CILK1: variants seen among roughly 807,000 people sequenced by gnomAD.
The protein encoded by CILK1 is ciliogenesis associated kinase 1, also known as serine/threonine-protein kinase ICK.
In CILK1, 47 loss-of-function variants were observed where a neutral mutation model predicts 79.2. That is an observed-to-expected ratio of 0.59 (90% CI 0.47 to 0.76). CILK1 has a LOEUF of 0.76. Among genes scored for constraint, CILK1 ranks in the 30% least tolerant of loss-of-function variants. The pLI is 0.00. For missense variants in CILK1, 660 were observed against 769.5 expected, an observed-to-expected ratio of 0.86 and a Z score of 1.68; for synonymous variants, 266 against 275.9, an observed-to-expected ratio of 0.96 and a Z score of 0.36.
At position 53,028,975 on chromosome 6, in the gene CILK1, G is replaced by A. The variant is rs190826094; in HGVS notation, c.358+2090C>T. On this transcript the variant is annotated intron_variant, in intron 5 of 13. Coordinates refer to ENST00000676107, the MANE Select transcript of CILK1 (RefSeq NM_014920.5). ...TGTGTGTGTGTGTATATATATATAT[G>A]CATACATTTGATTAGGTAGAGGCCT... is the stretch of plus-strand genomic sequence containing the variant. 3.0e-4 allele frequency among the ~76,000 whole-genome samples: 45 copies of A among 152,066 alleles called. No individual in the cohort carries two copies. In the East Asian group the frequency reaches 8.3e-3, roughly 28 times the overall value.
intron 3 of CILK1, 25 bp from the exon 4 acceptor site, chr6:53,032,679 A>AC: frequency 6.4e-7 from 1 of 1,569,980 alleles, no homozygotes; most frequent in Non-Finnish European, 8.7e-7. Context: ...ATAAACACAA[A>AC]ACAAAACAAA....
chr6:53,012,151 C>G lies in CILK1; in HGVS notation c.1229G>C (p.Arg410Thr), dbSNP rs1764611084. Residue 410 changes from arginine to threonine, a missense_variant, in exon 10 of 14, where the codon AGG (arginine) becomes ACG (threonine). Arg to Thr is a moderately conservative substitution (Grantham distance 71). Coordinates refer to ENST00000676107, the MANE Select transcript of CILK1 (RefSeq NM_014920.5). ...CCAATCATCTGAATCCTTTGTTGAC[C>G]TGGAAATAAGACCCCACCTTCTCCT... ...KSRRRWGLIS[R>T]STKDSDDWAD... 1 of 1,614,002 alleles carries G rather than the reference C, an allele frequency of 6.2e-7. No individual in the cohort carries two copies. Among genetic ancestry groups the G allele is most frequent in the African/African-American group, 1.3e-5 (1 of 74,902 alleles).
In CILK1 at chr6:53,016,159, T is replaced by C. The variant is rs140607719; in HGVS notation, c.755A>G (p.Asn252Ser). The change falls in exon 8 of 14, where the codon AAT becomes AGT. Residue 252 changes from asparagine (N) to serine (S), a missense_variant. Transcript: ENST00000676107. Reference sequence around the variant, plus strand: ...GAGCTGGACTGCTTCACTGCTAGCATTGGGAATCAAGGTCTTTAAGTTATT... The same window carrying C: ...GAGCTGGACTGCTTCACTGCTAGCACTGGGAATCAAGGTCTTTAAGTTATT... ...VPNNLKTLIP[N>S]ASSEAVQLLR... 54 of 1,613,978 alleles carry C rather than the reference T, an allele frequency of 3.3e-5. No homozygotes were observed. Among genetic ancestry groups the C allele is most frequent in the African/African-American group, 1.9e-4 (14 of 74,918 alleles).
intron 1 of CILK1, among the ~76,000 whole-genome samples, chr6:53,045,561 G>A (rs867155924): frequency 6.6e-6 from 1 of 152,020 alleles, no homozygotes; most frequent in Non-Finnish European, 1.5e-5. Context: ...CCAACTATAG[G>A]CCAATGTAAG....
chr6:53,013,681 T>C lies in CILK1; in HGVS notation c.1133A>G (p.His378Arg), dbSNP rs1764719673. Residue 378 changes from histidine to arginine, a missense_variant, in exon 9 of 14, where the codon CAC becomes CGC. Coordinates refer to ENST00000676107, the MANE Select transcript of CILK1 (RefSeq NM_014920.5). Reference protein sequence around the residue: ...KPSPLLFPSLHNKHPQSKITA... With the variant: ...KPSPLLFPSLRNKHPQSKITA... ...GCTCACCGACTGTGGATGCTTGTTG[T>C]GGAGGGATGGGAAAAGCAACGGGCT... 6.2e-7 allele frequency: 1 copy of C among 1,614,094 alleles called. No homozygotes were observed. The highest frequency in any genetic ancestry group is 2.2e-5 in the East Asian group (1 of 44,892).
At chr6:53,005,889 C>T (rs1372388889) in intron 13 of CILK1, among the ~76,000 whole-genome samples, 1 of 152,168 alleles carries the variant, frequency 6.6e-6, no homozygotes, top group African/African-American at 2.4e-5. Flanking sequence ...ACACTCTGGC[C>T]TCCTTGCTGC....
In CILK1 at chr6:53,041,282, T is replaced by C; in HGVS notation, c.-46A>G. 1 of 1,394,032 alleles carries C rather than the reference T, an allele frequency of 7.2e-7. No individual in the cohort carries two copies. The highest frequency in any genetic ancestry group is 1.0e-6 in the Non-Finnish European group (1 of 983,896). 86.4% of individuals were successfully genotyped at this position (1,394,032 alleles called of 1,614,324 possible). A position where few individuals can be genotyped will look rare whatever the true frequency, so the allele number is the denominator to read the frequency against. ...ACACTCATCTCACGGCCGAAGTGGTTCAGTTCTGCAGTGGTAGCAGTCCTC... is the reference window on the plus strand; with the variant it reads ...ACACTCATCTCACGGCCGAAGTGGTCCAGTTCTGCAGTGGTAGCAGTCCTC... On this transcript the variant is annotated 5_prime_UTR_variant, in exon 2 of 14. Transcript: ENST00000676107.
chr6:53,040,794 C>T (rs10456665), intron 2 of CILK1, among the ~76,000 whole-genome samples: 18,917 of 152,210 alleles, frequency 0.12, 1,686 homozygotes, highest in Admixed American at 0.28. Flanking sequence ...GACCACCATA[C>T]GCATGTAGAT....
At chr6:53,010,472 C>T (rs1408461999) in intron 11 of CILK1, among the ~76,000 whole-genome samples, 2 of 152,232 alleles carry the variant, frequency 1.3e-5, no homozygotes, top group African/African-American at 4.8e-5. Context: ...ATCACTCCTT[C>T]AGTTAAAACC....
chr6:53,011,582 G>C (rs1014133774), intron 11 of CILK1, among the ~76,000 whole-genome samples, 187 bp downstream of exon 11: 2 of 152,158 alleles, frequency 1.3e-5, no homozygotes, highest in African/African-American at 4.8e-5. Context: ...CTGGGTGGCA[G>C]AGAGAGACTC....
chr6:53,007,596 A>G (rs1764302354), intron 12 of CILK1, among the ~76,000 whole-genome samples: 1 of 152,136 alleles, frequency 6.6e-6, no homozygotes, highest in Non-Finnish European at 1.5e-5. Context: ...TAGTTTGGCA[A>G]TATCTGTGAA....
At chr6:53,006,585 C>A in intron 12 of CILK1, 148 bp from the exon 13 acceptor site, 1 of 884,122 alleles carries the variant, frequency 1.1e-6, no homozygotes, top group Non-Finnish European at 1.8e-6. Flanking sequence ...AGTTCAGAGC[C>A]AAGCATCCCA....
intron 5 of CILK1, among the ~76,000 whole-genome samples, chr6:53,021,452 C>A (rs1765238844): frequency 6.6e-6 from 1 of 152,164 alleles, no homozygotes; most frequent in African/African-American, 2.4e-5. Flanking sequence ...ATAATCCTGA[C>A]CACTTAAACA....
At chr6:53,006,663 T>C (rs574440920) in intron 12 of CILK1, among the ~76,000 whole-genome samples, 4 of 152,260 alleles carry the variant, frequency 2.6e-5, no homozygotes, top group South Asian at 2.1e-4. Context: ...GGCAACCAAA[T>C]AGAGGGTGGG....
At chr6:53,008,517 C>G (rs1030738582) in intron 12 of CILK1, among the ~76,000 whole-genome samples, 1 of 152,010 alleles carries the variant, frequency 6.6e-6, no homozygotes, top group South Asian at 2.1e-4. Context: ...CCTCCGCCTC[C>G]CAGGTTCAAG....
intron 5 of CILK1, among the ~76,000 whole-genome samples, chr6:53,021,514 C>T (rs1765242737): frequency 6.6e-6 from 1 of 152,128 alleles, no homozygotes; most frequent in Non-Finnish European, 1.5e-5. Context: ...ATCCATGACT[C>T]CTTTTTATAT....
At chr6:53,050,557 C>T (rs1461515088) in intron 1 of CILK1, among the ~76,000 whole-genome samples, 1 of 151,774 alleles carries the variant, frequency 6.6e-6, no homozygotes, top group African/African-American at 2.4e-5. Flanking sequence ...TGGGCGTGGT[C>T]GCTCACACCT....
Position 53,003,092 on chromosome 6 carries a change from G to A in CILK1, c.*2057C>T, listed in dbSNP as rs779579665. ...CACATGTTCTGATGCTTTAGATAAC[G>A]AGTTGAGAATATAATACAGAAATGA... On this transcript the variant is annotated 3_prime_UTR_variant, in exon 14 of 14. Transcript: ENST00000676107. 3 of 152,606 alleles carry A rather than the reference G, an allele frequency of 2.0e-5. No individual in the cohort carries two copies. The highest frequency in any genetic ancestry group is 6.5e-5 in the Admixed American group (1 of 15,272). 9.5% of individuals were successfully genotyped at this position (152,606 alleles called of 1,614,324 possible).
chr6:53,010,849 G>A (rs1201515121), intron 11 of CILK1, among the ~76,000 whole-genome samples: 1 of 152,210 alleles, frequency 6.6e-6, no homozygotes, highest in Non-Finnish European at 1.5e-5. Context: ...GTGAGGGTGA[G>A]GATGTTGTTT....
Sources: gnomAD v4.1 joint callset for allele counts (sites outside exome capture counted in the v4.1 genomes callset) on GRCh38, gnomAD v4.1.1 for gene constraint, MANE v1.5 for transcripts, NCBI Gene and HGNC (gene_info 2026-07-23, HGNC 2026-07-21) for gene names.